The following TAFA1 variants were observed in gnomAD, a reference collection of about 807,000 sequenced individuals.
TAFA1 encodes TAFA chemokine like family member 1.
A neutral mutation model predicts 18.5 loss-of-function variants in TAFA1; 4 were observed. The observed-to-expected ratio is 0.22, with a 90% CI of 0.11 to 0.49. TAFA1 has a LOEUF of 0.49. Among genes scored for constraint, TAFA1 ranks in the 20% least tolerant of loss-of-function variants. TAFA1 has a pLI of 0.98. For missense variants in TAFA1, 147 were observed against 169.0 expected (o/e 0.87, Z 0.72); for synonymous variants, 56 against 55.2 (o/e 1.01, Z -0.06).
chr3:68,458,534 C>CA (rs2071709642), intron 3 of TAFA1, among the ~76,000 whole-genome samples: 1 of 152,162 alleles, frequency 6.6e-6, no homozygotes, highest in South Asian at 2.1e-4. Flanking sequence ...GAAAGTTAAG[C>CA]AGTCTGTCCA....
intron 3 of TAFA1, among the ~76,000 whole-genome samples, chr3:68,439,356 A>G (rs2071324316): frequency 6.9e-6 from 1 of 144,048 alleles, no homozygotes; most frequent in South Asian, 2.2e-4. Context: ...CCTTCTACAA[A>G]GCTGTATTAG....
intron 2 of TAFA1, among the ~76,000 whole-genome samples, chr3:68,130,937 GTTCATTCA>G (rs2065528697): frequency 6.6e-6 from 1 of 151,958 alleles, no homozygotes; most frequent in Non-Finnish European, 1.5e-5. Context: ...TTATTTTCTT[GTTCATTCA>G]TTGGTGGGTG....
chr3:68,339,421 A>T (rs535458413), intron 2 of TAFA1, among the ~76,000 whole-genome samples: 2 of 152,342 alleles, frequency 1.3e-5, no homozygotes, highest in Non-Finnish European at 2.9e-5. Flanking sequence ...TGATTATGGC[A>T]ATATGGATAG....
rs574818159 is a variant in TAFA1, at chr3:68,167,307, G to A, written c.118+160563G>A. On this transcript the variant is annotated intron_variant, in intron 2 of 4. Coordinates refer to ENST00000478136, the MANE Select transcript of TAFA1 (RefSeq NM_213609.4). ...AAAGTTAAAAATGCGGCCGGGCGCC[G>A]TGGCTCACGCCTGTAATCCCAGCAC... 2.6e-5 allele frequency among the ~76,000 whole-genome samples: 4 copies of A among 152,332 alleles called. No homozygotes were observed. The South Asian group carries it at 8.3e-4, about 32-fold the overall frequency.
intron 3 of TAFA1, among the ~76,000 whole-genome samples, chr3:68,472,503 TACACACACAC>T (rs144677943): frequency 5.7e-5 from 8 of 141,202 alleles, no homozygotes; most frequent in Middle Eastern, 3.5e-3. Context: ...TAGAACTAAA[TACACACACAC>T]ACACACACAC....
intron 2 of TAFA1, among the ~76,000 whole-genome samples, chr3:68,012,052 T>C (rs551833250): frequency 6.6e-6 from 1 of 152,362 alleles, no homozygotes; most frequent in African/African-American, 2.4e-5. Context: ...AAGTTTAGCC[T>C]TTAATTGTTA....
intron 2 of TAFA1, among the ~76,000 whole-genome samples, chr3:68,285,027 G>A (rs916023988): frequency 1.3e-5 from 2 of 152,174 alleles, no homozygotes; most frequent in Non-Finnish European, 2.9e-5. Context: ...GTTAGAGGCT[G>A]TAGTAAGCTA....
At chr3:68,384,485 TTC>T (rs1386518119) in intron 2 of TAFA1, among the ~76,000 whole-genome samples, 9 of 152,104 alleles carry the variant, frequency 5.9e-5, no homozygotes, top group African/African-American at 2.2e-4. Context: ...TTGAGTGAAT[TTC>T]TTTGTTTTGA....
At chr3:68,256,833 C>G (rs781394361) in intron 2 of TAFA1, among the ~76,000 whole-genome samples, 1 of 152,052 alleles carries the variant, frequency 6.6e-6, no homozygotes, top group Non-Finnish European at 1.5e-5. Context: ...CTGCTGCCAC[C>G]ATCTGGCCCC....
At chr3:68,200,330 G>C (rs2107037195) in intron 2 of TAFA1, among the ~76,000 whole-genome samples, 1 of 151,568 alleles carries the variant, frequency 6.6e-6, no homozygotes, top group South Asian at 2.1e-4. Flanking sequence ...TTTGTATTTG[G>C]GTGGTGCTGG....
intron 2 of TAFA1, among the ~76,000 whole-genome samples, chr3:68,259,770 T>C (rs1023340395): frequency 1.8e-4 from 27 of 151,998 alleles, no homozygotes; most frequent in African/African-American, 6.3e-4. Flanking sequence ...ATGCTTGTGA[T>C]TTTTGTACAT....
In TAFA1 at chr3:68,510,770, T is replaced by C. The variant is rs76481148; in HGVS notation, c.260-27986T>C. ...GACTCCCAATTCAATTTCTTCCCAC[T>C]GTCTCTTTTGCATAGTAAAGGTAAA... On this transcript the variant is annotated intron_variant, in intron 3 of 4. Coordinates refer to ENST00000478136, the MANE Select transcript of TAFA1 (RefSeq NM_213609.4). Among the ~76,000 whole-genome samples, 354 of 152,240 alleles carry C rather than the reference T, an allele frequency of 2.3e-3. 8 individuals are homozygous for C. The East Asian group carries it at 0.063, about 27-fold the overall frequency.
intron 3 of TAFA1, among the ~76,000 whole-genome samples, chr3:68,470,201 T>C (rs965649867): frequency 6.6e-6 from 1 of 152,218 alleles, no homozygotes; most frequent in South Asian, 2.1e-4. Context: ...TTGATTCTCA[T>C]TCACCTTCTG....
chr3:68,296,741 G>A (rs2068214850), intron 2 of TAFA1, among the ~76,000 whole-genome samples: 1 of 152,154 alleles, frequency 6.6e-6, no homozygotes, highest in South Asian at 2.1e-4. Flanking sequence ...AGTGTACCAT[G>A]TGCAGACACT....
intron 2 of TAFA1, among the ~76,000 whole-genome samples, chr3:68,403,439 T>G (rs1268115257): frequency 6.6e-6 from 1 of 152,216 alleles, no homozygotes; most frequent in Non-Finnish European, 1.5e-5. Context: ...AGGGACTAGA[T>G]CTTCTGGAGC....
chr3:68,388,453 C>T (rs1055479833), intron 2 of TAFA1, among the ~76,000 whole-genome samples: 2 of 151,924 alleles, frequency 1.3e-5, no homozygotes, highest in East Asian at 3.9e-4. Context: ...TGCTCTAAGC[C>T]TATTTTCATC....
chr3:68,029,417 A>T (rs1045658915), intron 2 of TAFA1, among the ~76,000 whole-genome samples: 1 of 152,210 alleles, frequency 6.6e-6, no homozygotes, highest in African/African-American at 2.4e-5. Context: ...TTTAGATTTT[A>T]TAAAATGTAC....
intron 2 of TAFA1, among the ~76,000 whole-genome samples, chr3:68,036,110 G>A (rs1021099245): frequency 2.6e-5 from 4 of 152,108 alleles, no homozygotes; most frequent in Non-Finnish European, 4.4e-5. Flanking sequence ...ACATGGCTGT[G>A]AATTTGTTGA....
chr3:68,164,818 C>G (rs745718001), intron 2 of TAFA1, among the ~76,000 whole-genome samples: 2 of 152,190 alleles, frequency 1.3e-5, no homozygotes, highest in Non-Finnish European at 2.9e-5. Context: ...ATTCCTTTCT[C>G]TCATTCCAAT....
Sources: allele counts gnomAD v4.1 joint callset (sites outside exome capture counted in the v4.1 genomes callset), GRCh38; gene constraint gnomAD v4.1.1; transcripts MANE v1.5; gene names NCBI Gene and HGNC (gene_info 2026-07-23, HGNC 2026-07-21).